The following TENM2 variants were observed in gnomAD, a reference collection of about 807,000 sequenced individuals.
TENM2 encodes the protein teneurin-2.
A neutral mutation model predicts 245.2 loss-of-function variants in TENM2; 52 were observed. The ratio of observed to expected loss-of-function variants is 0.21; its 90% CI spans 0.17 to 0.27. The LOEUF is 0.27. Ranked by LOEUF, TENM2 falls within the 10% of genes least tolerant of loss-of-function variation. The probability of loss-of-function intolerance (pLI) is 1.00; values close to 1 mark genes in which losing one functional copy is unlikely to be tolerated. For missense variants in TENM2, 3,046 were observed against 3,666.8 expected (o/e 0.83, Z 4.37); for synonymous variants, 1,363 against 1,438.9 (o/e 0.95, Z 1.19).
chr5:167,680,767 C>T (rs781058444), intron 2 of TENM2, among the ~76,000 whole-genome samples: 2 of 152,154 alleles, frequency 1.3e-5, no homozygotes, highest in East Asian at 1.9e-4. Flanking sequence ...CACGCATCCT[C>T]GTCATTCCAA....
rs556749845 is a variant in TENM2, at chr5:168,163,267, G to A, written c.2569+510G>A. Reference sequence around the variant, plus strand: ...AAAATTGAGACCCAAACCCAGCTGTGGCTCCAAAGCGTCTTTTCTAACCAG... The same window carrying A: ...AAAATTGAGACCCAAACCCAGCTGTAGCTCCAAAGCGTCTTTTCTAACCAG... On this transcript the variant is annotated intron_variant, in intron 13 of 28. Coordinates refer to ENST00000518659, the Ensembl canonical transcript of TENM2. 5.3e-5 allele frequency among the ~76,000 whole-genome samples: 8 copies of A among 152,318 alleles called. No homozygotes were observed. In the South Asian group the frequency reaches 1.4e-3, roughly 28 times the overall value.
At position 168,035,626 on chromosome 5, in the gene TENM2, C is replaced by T. The variant is rs149103184; in HGVS notation, c.1187-11801C>T. Among the ~76,000 whole-genome samples, 941 of 152,182 alleles carry T rather than the reference C, an allele frequency of 6.2e-3. 6 individuals carry two copies. Among genetic ancestry groups the T allele is most frequent in the African/African-American group, 0.022 (901 of 41,514 alleles). The stretch of plus-strand genomic sequence containing the variant: ...AAGATGTGGACATTTCAGAAGAGAC[C>T]CAACTTCGGTCACCTTGGACAATTC... On this transcript the variant is annotated intron_variant, in intron 5 of 28. Coordinates refer to ENST00000518659, the Ensembl canonical transcript of TENM2.
chr5:167,143,771 G>A, the TENM2 span, among the ~76,000 whole-genome samples: 1 of 152,180 alleles, frequency 6.6e-6, no homozygotes, highest in Admixed American at 6.5e-5. Context: ...ACAAAGCCGT[G>A]CAAGGATGGA....
At chr5:167,329,990 C>G (rs547772938) in intron 1 of TENM2, among the ~76,000 whole-genome samples, 1 of 152,260 alleles carries the variant, frequency 6.6e-6, no homozygotes, top group South Asian at 2.1e-4. Context: ...CTGGCTAAAG[C>G]ATCTAAAACT....
the TENM2 span, among the ~76,000 whole-genome samples, chr5:167,266,175 C>T: frequency 3.9e-3 from 595 of 152,116 alleles, 2 homozygotes; most frequent in African/African-American, 0.013. Flanking sequence ...TGTGAGATTG[C>T]GAATTGTCAC....
intron 7 of TENM2, among the ~76,000 whole-genome samples, chr5:168,083,234 T>C (rs1792159305): frequency 6.6e-6 from 1 of 152,212 alleles, no homozygotes; most frequent in Admixed American, 6.5e-5. Flanking sequence ...GATCCGTTGG[T>C]GTGGGACCCT....
intron 2 of TENM2, among the ~76,000 whole-genome samples, chr5:167,378,651 A>T (rs1760913977): frequency 6.6e-6 from 1 of 152,048 alleles, no homozygotes; most frequent in South Asian, 2.1e-4. Flanking sequence ...ATTAGAGTCC[A>T]TACTTTTGTT....
intron 7 of TENM2, among the ~76,000 whole-genome samples, chr5:168,062,467 G>A (rs1045568511): frequency 1.3e-5 from 2 of 152,086 alleles, no homozygotes; most frequent in African/African-American, 4.8e-5. Flanking sequence ...GTGGAAAAGA[G>A]ACAGTTTTTC....
the TENM2 span, among the ~76,000 whole-genome samples, chr5:167,161,815 A>T: frequency 6.6e-6 from 1 of 152,188 alleles, no homozygotes; most frequent in Non-Finnish European, 1.5e-5. Flanking sequence ...CACTATTCAG[A>T]ATTTTAAATA....
chr5:167,375,840 A>G (rs1442827088), intron 2 of TENM2, among the ~76,000 whole-genome samples: 2 of 152,084 alleles, frequency 1.3e-5, no homozygotes, highest in Non-Finnish European at 2.9e-5. Context: ...CAGTAAATGG[A>G]AACCTGGGTT....
At chr5:167,696,341 T>A (rs886218651) in intron 2 of TENM2, among the ~76,000 whole-genome samples, 2 of 152,214 alleles carry the variant, frequency 1.3e-5, no homozygotes, top group African/African-American at 4.8e-5. Context: ...GATACTTTCA[T>A]CAAAGCCAGC....
intron 2 of TENM2, among the ~76,000 whole-genome samples, chr5:167,815,780 G>A (rs1004101152): frequency 1.3e-5 from 2 of 149,838 alleles, no homozygotes; most frequent in Non-Finnish European, 3.0e-5. Context: ...GGGAGAATGA[G>A]AGGGAAAATA....
intron 2 of TENM2, among the ~76,000 whole-genome samples, chr5:167,420,572 T>C (rs1763444684): frequency 1.3e-5 from 2 of 152,198 alleles, no homozygotes; most frequent in Admixed American, 1.3e-4. Context: ...CACTAAGTAT[T>C]CTTCCTGCCT....
the TENM2 span, among the ~76,000 whole-genome samples, chr5:167,090,803 C>T: frequency 6.6e-6 from 1 of 152,282 alleles, no homozygotes; most frequent in South Asian, 2.1e-4. Context: ...GTTGTAGATT[C>T]TGTAAAGCCA....
At chr5:167,761,894 G>A (rs915548657) in intron 2 of TENM2, among the ~76,000 whole-genome samples, 9 of 152,172 alleles carry the variant, frequency 5.9e-5, no homozygotes, top group African/African-American at 2.2e-4. Context: ...AGTGCCAGAA[G>A]GGCCACTTCC....
chr5:168,199,139 G>T (rs1387735799), intron 16 of TENM2, 25 bp downstream of exon 18: 3 of 1,596,438 alleles, frequency 1.9e-6, no homozygotes, highest in South Asian at 1.1e-5. Context: ...GCCAGGGCGG[G>T]ACTCTCAGGA....
chr5:167,812,150 A>C (rs763407584), intron 2 of TENM2, among the ~76,000 whole-genome samples: 1 of 152,218 alleles, frequency 6.6e-6, no homozygotes, highest in African/African-American at 2.4e-5. Context: ...AAAGTGCTAC[A>C]TAAGATGAGA....
In TENM2 at chr5:168,247,149, C is replaced by G. The variant is rs747487730; in HGVS notation, c.6210C>G (p.Pro2070=). 40 of 1,613,692 alleles carry G rather than the reference C, an allele frequency of 2.5e-5. No individual in the cohort carries two copies. Among genetic ancestry groups the G allele is most frequent in the Non-Finnish European group, 3.2e-5 (38 of 1,179,868 alleles). Residue 2070 remains proline, a synonymous_variant, in exon 27 of 29, where the codon CCC becomes CCG. Coordinates refer to ENST00000518659, the Ensembl canonical transcript of TENM2. The surrounding 1 kb of genome is among the most constrained non-coding windows in gnomAD (Gnocchi z 7.8). ...CCATCAGGTACCGGAAGATTGGCCC[C>G]CTGGTGGACAAGCAGATCTACAGGT...
chr5:167,072,593 C>A, the TENM2 span, among the ~76,000 whole-genome samples: 5 of 152,274 alleles, frequency 3.3e-5, no homozygotes, highest in African/African-American at 7.2e-5. Flanking sequence ...AGTGCTTTCA[C>A]AGAATTTTAT....
Sources: allele counts gnomAD v4.1 joint callset (sites outside exome capture counted in the v4.1 genomes callset), GRCh38; gene constraint gnomAD v4.1.1; non-coding constraint Gnocchi (gnomAD v3.1); transcripts MANE v1.5; gene names NCBI Gene and HGNC (gene_info 2026-07-23, HGNC 2026-07-21).